DNM2: variants seen among roughly 807,000 people sequenced by gnomAD.
The protein encoded by DNM2 is dynamin 2.
A neutral mutation model predicts 99.0 loss-of-function variants in DNM2; 15 were observed. The ratio of observed to expected loss-of-function variants is 0.15; its 90% CI spans 0.10 to 0.23. The LOEUF (loss-of-function observed/expected upper bound fraction) is 0.23. DNM2 is among the 10% of genes least tolerant of loss of function. The pLI is 1.00. For synonymous variants in DNM2, 525 were observed against 481.2 expected (o/e 1.09, Z -1.19); for missense variants, 742 against 1,189.4 (o/e 0.62, Z 5.53).
Position 10,830,995 on chromosome 19 carries a change from C to T in DNM2, c.2561C>T (p.Ala854Val), listed in dbSNP as rs776073354. ...CTTTGCAGCAGAAGACCCCCTGCTG[C>T]GCCCAGCCGGCCCACCATTATCCGC... ...PGVPSRRPPAAPSRPTIIRPA... is the reference protein window; with the variant it reads ...PGVPSRRPPAVPSRPTIIRPA... The change falls in exon 21 of 21, where the codon GCG becomes GTG. Residue 854 changes from alanine to valine, a missense_variant. Around this residue, in one of 7 missense-constraint regions of DNM2, gnomAD observed 187 missense variants for 218.8 expected, o/e 0.85. Coordinates refer to ENST00000389253, the MANE Select transcript of DNM2 (RefSeq NM_001005361.3). The surrounding 1 kb of genome is among the most constrained non-coding windows in gnomAD (Gnocchi z 4.8). The T allele has an allele frequency of 3.1e-6, 5 of 1,611,814 alleles. No individual in the cohort carries two copies. Among genetic ancestry groups the T allele is most frequent in the South Asian group, 2.2e-5 (2 of 90,590 alleles).
chr19:10,812,690 G>A lies in DNM2; in HGVS notation c.1671+313G>A, dbSNP rs942089728. Among the ~76,000 whole-genome samples, 1 of 152,222 alleles carries A rather than the reference G, an allele frequency of 6.6e-6. No homozygotes were observed. The highest frequency in any genetic ancestry group is 1.5e-5 in the Non-Finnish European group (1 of 68,048). On this transcript the variant is annotated intron_variant, in intron 15 of 20. Transcript: ENST00000389253. The surrounding 1 kb of genome is among the most constrained non-coding windows in gnomAD (Gnocchi z 4.0). Reference sequence around the variant, plus strand: ...TAATCCCAGCTACTCAGGAGGCTGAGGCAGGAGAATCGTTTGAACCCGGGA... The same window carrying A: ...TAATCCCAGCTACTCAGGAGGCTGAAGCAGGAGAATCGTTTGAACCCGGGA...
At chr19:10,746,384 A>T (rs995255915) in intron 1 of DNM2, among the ~76,000 whole-genome samples, 2 of 152,144 alleles carry the variant, frequency 1.3e-5, no homozygotes, top group Admixed American at 1.3e-4. Flanking sequence ...GTCAAATGTT[A>T]TGAGCAGAGG....
chr19:10,794,911 A>G (rs1321887308), intron 8 of DNM2, among the ~76,000 whole-genome samples: 3 of 151,932 alleles, frequency 2.0e-5, no homozygotes, highest in African/African-American at 7.3e-5. Context: ...TAATTAATTA[A>G]TTTGTTTGTT....
chr19:10,753,662 GT>G lies in DNM2; in HGVS notation c.162-6069del, dbSNP rs961941292. Among the ~76,000 whole-genome samples the G allele has an allele frequency of 4.1e-3, 617 of 151,252 alleles. 2 individuals are homozygous for G. The highest frequency in any genetic ancestry group is 7.2e-3 in the Admixed American group (109 of 15,140). Reference sequence around the variant, plus strand: ...ATTCTATTTTAAAGGTTTTTGTTTTGTTTTTTTCCCCCGAGACGGAGTTTCG... The same window carrying G: ...ATTCTATTTTAAAGGTTTTTGTTTTGTTTTTTCCCCCGAGACGGAGTTTCG... On this transcript the variant is annotated intron_variant, in intron 1 of 20. Coordinates refer to ENST00000389253, the MANE Select transcript of DNM2 (RefSeq NM_001005361.3).
intron 18 of DNM2, among the ~76,000 whole-genome samples, chr19:10,825,841 G>A (rs776719618): frequency 2.2e-4 from 30 of 134,582 alleles, no homozygotes; most frequent in Non-Finnish European, 3.7e-4. Context: ...TTGACAGAGC[G>A]AGACTCCATC....
chr19:10,722,488 G>C (rs2068970805), intron 1 of DNM2, among the ~76,000 whole-genome samples: 1 of 151,782 alleles, frequency 6.6e-6, no homozygotes, highest in African/African-American at 2.4e-5. Context: ...GGGACTGCAG[G>C]CACCCGCCAC....
At chr19:10,720,081 C>T (rs1180350754) in intron 1 of DNM2, among the ~76,000 whole-genome samples, 1 of 110,648 alleles carries the variant, frequency 9.0e-6, no homozygotes, top group Admixed American at 1.2e-4. Context: ...GCCCAGGCTT[C>T]TGGGACGGGG....
rs569931989 is a variant in DNM2, at chr19:10,796,411, G to A, written c.1197-969G>A. 6.6e-6 allele frequency among the ~76,000 whole-genome samples: 1 copy of A among 152,242 alleles called. No individual in the cohort carries two copies. The highest frequency in any genetic ancestry group is 2.1e-4 in the South Asian group (1 of 4,822). On this transcript the variant is annotated intron_variant, in intron 9 of 20. Transcript: ENST00000389253. This position sits in a 1 kb window ranked among gnomAD's most constrained non-coding sequence, Gnocchi z 5.6. ...AGGGGAGTGCCAGGCCTCCTGGACT[G>A]GCCAGACAGATGCACAGTTGTCCCT...
intron 15 of DNM2, among the ~76,000 whole-genome samples, chr19:10,814,202 C>T (rs1009223172): frequency 5.3e-5 from 8 of 151,952 alleles, no homozygotes; most frequent in South Asian, 4.1e-4. Flanking sequence ...CAGTGGCTCA[C>T]GCCATTAATC....
intron 2 of DNM2, among the ~76,000 whole-genome samples, chr19:10,771,592 G>A (rs1169163085): frequency 6.6e-6 from 1 of 152,126 alleles, no homozygotes; most frequent in Non-Finnish European, 1.5e-5. Flanking sequence ...AAATACCCCT[G>A]GGGATTTTGT....
chr19:10,721,436 T>C (rs1351606537), intron 1 of DNM2, among the ~76,000 whole-genome samples: 1 of 152,154 alleles, frequency 6.6e-6, no homozygotes, highest in Non-Finnish European at 1.5e-5. Flanking sequence ...GCATTAAAGG[T>C]GTGAACCACC....
intron 1 of DNM2, among the ~76,000 whole-genome samples, chr19:10,754,044 T>G (rs2070298229): frequency 6.6e-6 from 1 of 152,190 alleles, no homozygotes; most frequent in African/African-American, 2.4e-5. Context: ...GAACGTAATT[T>G]ATATTTAACT....
In DNM2 at chr19:10,795,328, GC is replaced by G; in HGVS notation, c.1129-40del. 9 of 1,606,828 alleles carry G rather than the reference GC, an allele frequency of 5.6e-6. 1 individual carries two copies. In the South Asian group the frequency reaches 9.9e-5, roughly 18 times the overall value. On this transcript the variant is annotated intron_variant, in intron 8 of 20. Coordinates refer to ENST00000389253, the MANE Select transcript of DNM2 (RefSeq NM_001005361.3). The surrounding 1 kb of genome is among the most constrained non-coding windows in gnomAD (Gnocchi z 4.2). The stretch of plus-strand genomic sequence containing the variant: ...CCAGATGCACGCCTGCCACGGGGGC[GC>G]CCCGGGTGCCTCCATGCATGTGCTT...
chr19:10,734,725 T>A (rs2069461979), intron 1 of DNM2, among the ~76,000 whole-genome samples: 1 of 149,756 alleles, frequency 6.7e-6, no homozygotes, highest in African/African-American at 2.4e-5. Flanking sequence ...AAAAAAAAAT[T>A]TTTTTTTTTT....
intron 1 of DNM2, among the ~76,000 whole-genome samples, chr19:10,752,971 C>T (rs1021535269): frequency 1.3e-5 from 2 of 151,890 alleles, no homozygotes; most frequent in African/African-American, 4.8e-5. Context: ...AACAAAAAAA[C>T]CAAAAAACTT....
intron 14 of DNM2, chr19:10,809,471 A>C (rs2072464937): frequency 6.6e-6 from 1 of 152,276 alleles, no homozygotes; most frequent in East Asian, 1.9e-4. Context: ...TTTGCTGTCC[A>C]TCCCTGCTGT....
In DNM2 at chr19:10,750,658, C is replaced by T. The variant is rs76180350; in HGVS notation, c.162-9080C>T. 3.2e-3 allele frequency among the ~76,000 whole-genome samples: 481 copies of T among 152,160 alleles called. 8 individuals carry two copies. The highest frequency in any genetic ancestry group is 0.011 in the African/African-American group (447 of 41,532). On this transcript the variant is annotated intron_variant, in intron 1 of 20. Coordinates refer to ENST00000389253, the MANE Select transcript of DNM2 (RefSeq NM_001005361.3). ...CCTCTAAAATAAATAAGGCCGGGCG[C>T]GGTGGCTCATGCCTGTAATCCCAGC... is the stretch of plus-strand genomic sequence containing the variant.
intron 1 of DNM2, among the ~76,000 whole-genome samples, chr19:10,720,765 G>A (rs1453663638): frequency 1.3e-5 from 2 of 152,102 alleles, no homozygotes; most frequent in Non-Finnish European, 2.9e-5. Flanking sequence ...CTTACCTAAC[G>A]CACTGCCTGG....
At chr19:10,781,176 C>G (rs556679614) in intron 5 of DNM2, among the ~76,000 whole-genome samples, 7 of 152,092 alleles carry the variant, frequency 4.6e-5, no homozygotes, top group Admixed American at 6.6e-5. Context: ...GGCAGCAGAG[C>G]GAGACTCCAT....
Sources: allele counts gnomAD v4.1 joint callset (sites outside exome capture counted in the v4.1 genomes callset), GRCh38; gene constraint gnomAD v4.1.1; regional missense constraint gnomAD v4.1.1; non-coding constraint Gnocchi (gnomAD v3.1); transcripts MANE v1.5; gene names NCBI Gene and HGNC (gene_info 2026-07-23, HGNC 2026-07-21).